AUTS2: variants seen among roughly 807,000 people sequenced by gnomAD.
The protein encoded by AUTS2 is autism susceptibility gene 2 protein.
Under a neutral mutation model 112.4 loss-of-function variants are expected in AUTS2, and 17 were observed. The observed-to-expected ratio is 0.15, with a 90% CI of 0.10 to 0.23. AUTS2 has a LOEUF of 0.23. Among genes scored for constraint, AUTS2 ranks in the 10% least tolerant of loss-of-function variants. The pLI is 1.00. For missense variants in AUTS2, 1,510 were observed against 1,701.6 expected (o/e 0.89, Z 1.98); for synonymous variants, 751 against 702.7 (o/e 1.07, Z -1.09).
chr7:70,240,256 T>G (rs1218650541), intron 4 of AUTS2, among the ~76,000 whole-genome samples: 1 of 152,218 alleles, frequency 6.6e-6, no homozygotes, highest in African/African-American at 2.4e-5. Context: ...ACCTGGTAAC[T>G]AGTAGCTTTG....
chr7:70,686,576 C>A (rs970342884), intron 5 of AUTS2, among the ~76,000 whole-genome samples: 1 of 151,626 alleles, frequency 6.6e-6, no homozygotes, highest in African/African-American at 2.4e-5. Flanking sequence ...TTGCTGTATC[C>A]CCCTGGCTGG....
At chr7:69,784,530 G>A (rs140190720) in intron 1 of AUTS2, among the ~76,000 whole-genome samples, 4 of 152,304 alleles carry the variant, frequency 2.6e-5, no homozygotes, top group Admixed American at 6.5e-5. Context: ...GACAGGTCCC[G>A]AAGGAGTGGC....
intron 1 of AUTS2, among the ~76,000 whole-genome samples, chr7:69,658,514 G>A (rs1795645385): frequency 6.6e-6 from 1 of 152,152 alleles, no homozygotes; most frequent in African/African-American, 2.4e-5. Flanking sequence ...ACTTTATAAA[G>A]AGTTAATCCT....
chr7:70,471,115 C>T (rs1051693723), intron 5 of AUTS2, among the ~76,000 whole-genome samples: 7 of 152,166 alleles, frequency 4.6e-5, no homozygotes, highest in African/African-American at 1.7e-4. Flanking sequence ...TATTTCACCG[C>T]ACAAAGGCTG....
chr7:70,293,096 T>C (rs1788781095), intron 4 of AUTS2: 1 of 152,208 alleles, frequency 6.6e-6, no homozygotes, highest in Admixed American at 6.5e-5. Flanking sequence ...CCCTTCCCCG[T>C]ACTTACACAA....
chr7:70,111,865 G>A (rs1805104521), intron 2 of AUTS2, among the ~76,000 whole-genome samples: 1 of 151,888 alleles, frequency 6.6e-6, no homozygotes, highest in African/African-American at 2.4e-5. Context: ...TATTTTGCTT[G>A]CCATCTCTTT....
chr7:69,888,341 C>T (rs1360055395), intron 1 of AUTS2, among the ~76,000 whole-genome samples: 1 of 150,902 alleles, frequency 6.6e-6, no homozygotes, highest in Non-Finnish European at 1.5e-5. Flanking sequence ...GTGCAGAGGT[C>T]GCATGATGAG....
At chr7:70,752,100 G>T (rs1042170553) in intron 6 of AUTS2, among the ~76,000 whole-genome samples, 1 of 152,022 alleles carries the variant, frequency 6.6e-6, no homozygotes, top group Non-Finnish European at 1.5e-5. Flanking sequence ...TGAGCACTTA[G>T]TTAACAGCCA....
chr7:69,621,448 C>T (rs536900087), intron 1 of AUTS2, among the ~76,000 whole-genome samples: 3 of 145,000 alleles, frequency 2.1e-5, no homozygotes, highest in South Asian at 2.3e-4. Flanking sequence ...CTTAAGCTTG[C>T]ACCTTATTAC....
intron 2 of AUTS2, among the ~76,000 whole-genome samples, chr7:70,104,852 G>C (rs1389653948): frequency 1.3e-5 from 2 of 152,086 alleles, no homozygotes; most frequent in Non-Finnish European, 2.9e-5. Context: ...TTTCTTAAAG[G>C]AGGGTGAGTT....
chr7:69,916,856 A>G (rs1013069166), intron 2 of AUTS2, among the ~76,000 whole-genome samples: 2 of 152,288 alleles, frequency 1.3e-5, no homozygotes, highest in South Asian at 2.1e-4. Flanking sequence ...CTCAGCCTCT[A>G]ATCTTGCCAC....
At chr7:69,935,739 A>T (rs1440065407) in intron 2 of AUTS2, among the ~76,000 whole-genome samples, 1 of 152,194 alleles carries the variant, frequency 6.6e-6, no homozygotes, top group Non-Finnish European at 1.5e-5. Context: ...ATTAATGAGT[A>T]AATTTCAGTG....
At chr7:70,669,603 G>C (rs74300632) in intron 5 of AUTS2, among the ~76,000 whole-genome samples, 2 of 152,176 alleles carry the variant, frequency 1.3e-5, no homozygotes, top group Non-Finnish European at 2.9e-5. Flanking sequence ...CCCAGGTCTC[G>C]TAAACCTCTC....
chr7:69,873,694 A>G (rs1385073683), intron 1 of AUTS2, among the ~76,000 whole-genome samples: 5 of 152,180 alleles, frequency 3.3e-5, no homozygotes, highest in African/African-American at 1.2e-4. Context: ...GCTGCAAGGA[A>G]CAGAAATGAT....
At chr7:70,028,560 A>G (rs575481402) in intron 2 of AUTS2, among the ~76,000 whole-genome samples, 12 of 152,284 alleles carry the variant, frequency 7.9e-5, no homozygotes, top group Admixed American at 1.3e-4. Context: ...CTCTCCAGCA[A>G]TGCAGCTCCT....
intron 6 of AUTS2, chr7:70,729,184 G>A (rs546140514): frequency 2.8e-4 from 130 of 456,422 alleles, no homozygotes; most frequent in African/African-American, 2.0e-3. Context: ...GACCTGTGCC[G>A]GGGGTGGGGC....
intron 1 of AUTS2, among the ~76,000 whole-genome samples, chr7:69,883,134 G>T (rs563137147): frequency 6.6e-6 from 1 of 152,132 alleles, no homozygotes; most frequent in Non-Finnish European, 1.5e-5. Flanking sequence ...AGATGTAACC[G>T]CCACCAATAA....
intron 6 of AUTS2, chr7:70,698,903 A>C (rs1489655019): frequency 7.2e-6 from 2 of 279,614 alleles, no homozygotes; most frequent in East Asian, 1.3e-4. Context: ...CGAGAAGAAT[A>C]GTTCTCAAAA....
At chr7:69,728,973 C>G (rs1308143834) in intron 1 of AUTS2, among the ~76,000 whole-genome samples, 1 of 151,978 alleles carries the variant, frequency 6.6e-6, no homozygotes, top group African/African-American at 2.4e-5. Context: ...CTTTAGTGAG[C>G]TAGATTTTAC....
Sources: allele counts gnomAD v4.1 joint callset (sites outside exome capture counted in the v4.1 genomes callset), GRCh38; gene constraint gnomAD v4.1.1; transcripts MANE v1.5; gene names NCBI Gene and HGNC (gene_info 2026-07-23, HGNC 2026-07-21).